The following ME3 variants were observed in gnomAD, a reference collection of about 807,000 sequenced individuals.
ME3 encodes the protein malic enzyme 3.
A neutral mutation model predicts 68.9 loss-of-function variants in ME3; 48 were observed. The ratio of observed to expected loss-of-function variants is 0.70; its 90% CI spans 0.55 to 0.89. The LOEUF is 0.89. Ranked by LOEUF, ME3 falls within the 40% of genes least tolerant of loss-of-function variation. ME3 has a pLI of 0.00. For missense variants in ME3, 675 were observed against 797.4 expected, an observed-to-expected ratio of 0.85 and a Z score of 1.85; for synonymous variants, 320 against 318.8, an observed-to-expected ratio of 1.00 and a Z score of -0.04.
intron 4 of ME3, among the ~76,000 whole-genome samples, chr11:86,510,668 A>G (rs1246720851): frequency 6.6e-6 from 1 of 152,128 alleles, no homozygotes; most frequent in African/African-American, 2.4e-5. Flanking sequence ...TACTTTCCAG[A>G]TACCAATAGC....
chr11:86,557,604 G>C (rs1414005076), intron 3 of ME3, among the ~76,000 whole-genome samples: 1 of 152,156 alleles, frequency 6.6e-6, no homozygotes, highest in Non-Finnish European at 1.5e-5. Flanking sequence ...GGAAAGTCTT[G>C]TGTGACTTCT....
At chr11:86,541,221 C>T (rs1219979878) in intron 4 of ME3, among the ~76,000 whole-genome samples, 2 of 152,126 alleles carry the variant, frequency 1.3e-5, no homozygotes, top group Non-Finnish European at 2.9e-5. Flanking sequence ...GCCATTTGGG[C>T]AGACACCAAG....
At chr11:86,667,129 C>T (rs1946635806) in intron 2 of ME3, among the ~76,000 whole-genome samples, 1 of 152,316 alleles carries the variant, frequency 6.6e-6, no homozygotes, top group Non-Finnish European at 1.5e-5. Context: ...GGCCATCACC[C>T]GTGGTGCCTT....
At chr11:86,447,000 GA>G in intron 12 of ME3, 64 bp downstream of exon 12, 1 of 1,566,736 alleles carries the variant, frequency 6.4e-7, no homozygotes, top group Non-Finnish European at 8.7e-7. Context: ...TCACCCTCAT[GA>G]GGTTACTCAT....
rs151108634 is a variant in ME3 at position 86,659,988 on chromosome 11, A to G, written c.183+11774T>C. Among the ~76,000 whole-genome samples, 1,340 of 152,292 alleles carry G rather than the reference A, an allele frequency of 8.8e-3. 27 individuals are homozygous for G. The highest frequency in any genetic ancestry group is 0.03 in the African/African-American group (1,253 of 41,560). The stretch of plus-strand genomic sequence containing the variant: ...ACAAAATCCTGAGACTACTGATGAT[A>G]TCCACTATCTTCAACACCAGCTTCA... On this transcript the variant is annotated intron_variant, in intron 2 of 14. Transcript: ENST00000543262.
At chr11:86,464,961 C>CT in intron 8 of ME3, 130 bp downstream of exon 8, 2 of 678,646 alleles carry the variant, frequency 2.9e-6, no homozygotes, top group Non-Finnish European at 5.3e-6. Flanking sequence ...GTTTAATATT[C>CT]TTTTTTCAAC....
At chr11:86,623,034 T>C (rs187785952) in intron 2 of ME3, among the ~76,000 whole-genome samples, 158 of 152,378 alleles carry the variant, frequency 1.0e-3, no homozygotes, top group Non-Finnish European at 1.6e-4. Flanking sequence ...GTTAGTTTTA[T>C]GTGCCAACTT....
chr11:86,629,005 G>T (rs923225086), intron 2 of ME3, among the ~76,000 whole-genome samples: 2 of 152,206 alleles, frequency 1.3e-5, no homozygotes, highest in Non-Finnish European at 2.9e-5. Context: ...TCACAGTCTT[G>T]CATTAACAAT....
chr11:86,635,849 C>G (rs1425192634), intron 2 of ME3, among the ~76,000 whole-genome samples: 1 of 152,232 alleles, frequency 6.6e-6, no homozygotes, highest in East Asian at 1.9e-4. Flanking sequence ...TGATACTCAT[C>G]TTGCAGACAA....
chr11:86,645,051 T>G (rs1944911138), intron 2 of ME3, among the ~76,000 whole-genome samples: 1 of 152,234 alleles, frequency 6.6e-6, no homozygotes, highest in African/African-American at 2.4e-5. Context: ...CTTTTCCCAC[T>G]GTCTTTGCAA....
intron 12 of ME3, 47 bp downstream of exon 12, chr11:86,447,002 GGTTACTCATTGTAATT>G: frequency 1.3e-6 from 2 of 1,576,142 alleles, no homozygotes; most frequent in Non-Finnish European, 1.7e-6. Flanking sequence ...ACCCTCATGA[GGTTACTCATTGTAATT>G]GTTACTATGT....
intron 7 of ME3, among the ~76,000 whole-genome samples, chr11:86,472,469 T>C (rs1319543012): frequency 1.3e-5 from 2 of 152,148 alleles, no homozygotes; most frequent in African/African-American, 4.8e-5. Context: ...GAAGTCCTGG[T>C]ATTAATATAA....
chr11:86,635,313 C>T (rs1231131862), intron 2 of ME3, among the ~76,000 whole-genome samples: 4 of 152,178 alleles, frequency 2.6e-5, no homozygotes, highest in African/African-American at 7.2e-5. Context: ...GGAAGGGCCA[C>T]GTGAGGACGC....
intron 2 of ME3, among the ~76,000 whole-genome samples, chr11:86,609,690 A>G (rs4245419): frequency 0.4 from 60,390 of 151,784 alleles, 12,600 homozygotes; most frequent in East Asian, 0.71. Flanking sequence ...AAACTTGCCC[A>G]TGTTTACAAA....
chr11:86,452,145 T>A (rs896325630), intron 8 of ME3, among the ~76,000 whole-genome samples: 2 of 152,208 alleles, frequency 1.3e-5, no homozygotes, highest in African/African-American at 4.8e-5. Flanking sequence ...ACGTACAGAA[T>A]TTTTGCTTCC....
intron 4 of ME3, among the ~76,000 whole-genome samples, chr11:86,530,289 A>C (rs1320859032): frequency 3.9e-5 from 6 of 152,202 alleles, no homozygotes; most frequent in Non-Finnish European, 8.8e-5. Flanking sequence ...TCCAACTTAC[A>C]AGGGACATGA....
intron 2 of ME3, among the ~76,000 whole-genome samples, chr11:86,667,548 A>C (rs1946657643): frequency 6.6e-6 from 1 of 152,206 alleles, no homozygotes; most frequent in South Asian, 2.1e-4. Context: ...AAGAACAAAT[A>C]TTTATTGAGC....
At chr11:86,481,603 C>G (rs1951413321) in intron 7 of ME3, among the ~76,000 whole-genome samples, 1 of 152,066 alleles carries the variant, frequency 6.6e-6, no homozygotes, top group Admixed American at 6.6e-5. Flanking sequence ...GGAGTGTACC[C>G]AAGAGAGCAT....
At chr11:86,502,032 G>T (rs992897814) in intron 5 of ME3, among the ~76,000 whole-genome samples, 2 of 152,160 alleles carry the variant, frequency 1.3e-5, no homozygotes, top group African/African-American at 4.8e-5. Flanking sequence ...TCTTAGACTG[G>T]CACTTAAAGC....
Sources: gnomAD v4.1 joint callset for allele counts (sites outside exome capture counted in the v4.1 genomes callset) on GRCh38, gnomAD v4.1.1 for gene constraint, MANE v1.5 for transcripts, NCBI Gene and HGNC (gene_info 2026-07-23, HGNC 2026-07-21) for gene names.